Variants in PDE3A observed in about 807,000 individuals in gnomAD.
The protein encoded by PDE3A is cGMP-inhibited 3',5'-cyclic phosphodiesterase 3A.
PDE3A carries 43 observed loss-of-function variants against 98.3 expected under a neutral mutation model. That is an observed-to-expected ratio of 0.44 (90% CI 0.34 to 0.56). The LOEUF (loss-of-function observed/expected upper bound fraction) is 0.56, where lower values mean the gene tolerates loss of function less well. Ranked by LOEUF, PDE3A falls within the 20% of genes least tolerant of loss-of-function variation. The pLI is 0.01. For synonymous variants in PDE3A, 663 were observed against 567.9 expected (o/e 1.17, Z -2.38); for missense variants, 1,427 against 1,440.7 (o/e 0.99, Z 0.15).
chr12:20,495,038 G>A (rs992576014), intron 1 of PDE3A, among the ~76,000 whole-genome samples: 2 of 152,096 alleles, frequency 1.3e-5, no homozygotes, highest in Non-Finnish European at 2.9e-5. Flanking sequence ...TTTAAACATA[G>A]TGTCTGTCTA....
chr12:20,409,038 C>A (rs1944285961), intron 1 of PDE3A, among the ~76,000 whole-genome samples: 1 of 152,052 alleles, frequency 6.6e-6, no homozygotes, highest in South Asian at 2.1e-4. Context: ...CATGCAAATT[C>A]AATGAATGAA....
intron 2 of PDE3A, among the ~76,000 whole-genome samples, chr12:20,602,963 A>G (rs1943626303): frequency 6.6e-6 from 1 of 152,188 alleles, no homozygotes; most frequent in Non-Finnish European, 1.5e-5. Flanking sequence ...TCATTGTATC[A>G]AATCCAGCTC....
chr12:20,522,968 A>C (rs1262360123), intron 1 of PDE3A, among the ~76,000 whole-genome samples: 4 of 152,040 alleles, frequency 2.6e-5, no homozygotes, highest in African/African-American at 4.8e-5. Context: ...TGGTCATATA[A>C]ATGGTATTTT....
chr12:20,673,959 T>C (rs529774342), intron 15 of PDE3A, among the ~76,000 whole-genome samples: 12 of 152,280 alleles, frequency 7.9e-5, no homozygotes, highest in South Asian at 4.1e-4. Flanking sequence ...TCCATGATCA[T>C]GGGATGTCTT....
At position 20,634,908 on chromosome 12, in the gene PDE3A, C is replaced by T. The variant is rs1944464074; in HGVS notation, c.1853C>T (p.Thr618Ile). 1 of 1,607,536 alleles carries T rather than the reference C, an allele frequency of 6.2e-7. No individual in the cohort carries two copies. Among genetic ancestry groups the T allele is most frequent in the Non-Finnish European group, 8.5e-7 (1 of 1,174,100 alleles). Residue 618 changes from threonine to isoleucine, a missense_variant, in exon 8 of 16, where the codon ACT becomes ATT. This residue lies in a region of PDE3A where 1,012 missense variants were observed against 886.5 expected (regional missense o/e 1.14). Coordinates refer to ENST00000359062, the MANE Select transcript of PDE3A (RefSeq NM_000921.5). The part of the protein sequence containing the change: ...ATRTPSRTDD[T>I]AQVTSDYETN... ...TGTTCTCTTTTAATTGTAGATGACA[C>T]TGCTCAAGTTACCTCTGATTATGAA...
At chr12:20,529,890 C>T (rs1346135241) in intron 1 of PDE3A, among the ~76,000 whole-genome samples, 1 of 152,174 alleles carries the variant, frequency 6.6e-6, no homozygotes, top group African/African-American at 2.4e-5. Flanking sequence ...AAGTCTGGAA[C>T]CCAGTTTAAT....
chr12:20,384,006 AG>A (rs1943704060), intron 1 of PDE3A, among the ~76,000 whole-genome samples: 1 of 151,998 alleles, frequency 6.6e-6, no homozygotes, highest in African/African-American at 2.4e-5. Context: ...TGATAATGTC[AG>A]GGGCAGATTT....
chr12:20,633,614 A>G lies in PDE3A; in HGVS notation c.1761-79A>G. 4 of 637,372 alleles carry G rather than the reference A, an allele frequency of 6.3e-6. No individual in the cohort carries two copies. In the Middle Eastern group the frequency reaches 1.0e-3, roughly 164 times the overall value. 39.5% of individuals were successfully genotyped at this position (637,372 alleles called of 1,614,324 possible). A position where few individuals can be genotyped will look rare whatever the true frequency, so the allele number is the denominator to read the frequency against. On this transcript the variant is annotated intron_variant, in intron 6 of 15. Transcript: ENST00000359062. ...ATATTTGACTATTGTTGTTTATCTT[A>G]ATGTATACATAGATGGTATGTGCCT...
intron 1 of PDE3A, among the ~76,000 whole-genome samples, chr12:20,503,289 C>A (rs1946056137): frequency 6.6e-6 from 1 of 151,460 alleles, no homozygotes; most frequent in African/African-American, 2.4e-5. Flanking sequence ...GTTTATAATA[C>A]CAGTTACTAT....
chr12:20,678,884 A>G (rs911933857), intron 15 of PDE3A, among the ~76,000 whole-genome samples: 2 of 152,188 alleles, frequency 1.3e-5, no homozygotes, highest in African/African-American at 2.4e-5. Context: ...CCTTTTCTGG[A>G]ACCACATAAT....
rs1170161889 is a variant in PDE3A, at chr12:20,612,199, T to C, written c.1012-1244T>C. On this transcript the variant is annotated intron_variant, in intron 2 of 15. Coordinates refer to ENST00000359062, the MANE Select transcript of PDE3A (RefSeq NM_000921.5). ...TTTTGCCAATTTTGTAAATGAAAGT[T>C]GTTTTTATTATGTTGATTTGCAATT... 2.0e-5 allele frequency among the ~76,000 whole-genome samples: 3 copies of C among 151,958 alleles called. No individual in the cohort carries two copies. The East Asian group carries it at 5.8e-4, about 29-fold the overall frequency.
At chr12:20,669,180 C>A (rs1222667594) in intron 15 of PDE3A, among the ~76,000 whole-genome samples, 1 of 150,820 alleles carries the variant, frequency 6.6e-6, no homozygotes, top group Non-Finnish European at 1.5e-5. Context: ...GCAAAGCCTC[C>A]AAGAAATATG....
At chr12:20,532,379 TTTATG>T (rs1941626439) in intron 1 of PDE3A, among the ~76,000 whole-genome samples, 1 of 152,196 alleles carries the variant, frequency 6.6e-6, no homozygotes, top group Non-Finnish European at 1.5e-5. Context: ...TTATTTTATA[TTTATG>T]TTAACTTATT....
chr12:20,666,638 C>T (rs1837644974), intron 15 of PDE3A, among the ~76,000 whole-genome samples: 1 of 152,094 alleles, frequency 6.6e-6, no homozygotes, highest in Non-Finnish European at 1.5e-5. Context: ...AATATTATTC[C>T]ATTGTGTATG....
chr12:20,621,550 A>T, intron 5 of PDE3A, 139 bp downstream of exon 5: 1 of 568,500 alleles, frequency 1.8e-6, no homozygotes. Context: ...CCAATTAGTT[A>T]TTTTTTAGAA....
At position 20,533,626 on chromosome 12, in the gene PDE3A, C is replaced by T. The variant is rs190876417; in HGVS notation, c.961-23034C>T. 5.3e-5 allele frequency among the ~76,000 whole-genome samples: 8 copies of T among 151,776 alleles called. 1 individual carries two copies. Among genetic ancestry groups the T allele is most frequent in the Admixed American group, 2.6e-4 (4 of 15,246 alleles). ...CCTCCCGAGTAGCTGGGAGTACAGG[C>T]GCCACCACCACACCCAGCTAATTTT... On this transcript the variant is annotated intron_variant, in intron 1 of 15. Coordinates refer to ENST00000359062, the MANE Select transcript of PDE3A (RefSeq NM_000921.5).
chr12:20,631,962 G>A (rs1944391063), intron 6 of PDE3A, among the ~76,000 whole-genome samples: 1 of 152,072 alleles, frequency 6.6e-6, no homozygotes, highest in African/African-American at 2.4e-5. Flanking sequence ...TGCTGAACTT[G>A]AAGAGTTTGG....
intron 2 of PDE3A, among the ~76,000 whole-genome samples, chr12:20,596,179 C>T (rs1450999669): frequency 6.6e-6 from 1 of 152,104 alleles, no homozygotes; most frequent in African/African-American, 2.4e-5. Flanking sequence ...ACTGAACTAG[C>T]AATTATGTCT....
chr12:20,497,981 T>C (rs1285650604), intron 1 of PDE3A, among the ~76,000 whole-genome samples: 3 of 152,184 alleles, frequency 2.0e-5, no homozygotes, highest in Non-Finnish European at 2.9e-5. Flanking sequence ...TCCCACTGTT[T>C]ACCAATTGCG....
Sources: gnomAD v4.1 joint callset for allele counts (sites outside exome capture counted in the v4.1 genomes callset) on GRCh38, gnomAD v4.1.1 for gene constraint, gnomAD v4.1.1 regional missense constraint, MANE v1.5 for transcripts, NCBI Gene and HGNC (gene_info 2026-07-23, HGNC 2026-07-21) for gene names.